The following LRP12 variants were observed in gnomAD, a reference collection of about 807,000 sequenced individuals.
The protein encoded by LRP12 is low-density lipoprotein receptor-related protein 12.
In LRP12, 14 loss-of-function variants were observed where a neutral mutation model predicts 66.0. That is an observed-to-expected ratio of 0.21 (90% CI 0.14 to 0.33). The LOEUF is 0.33. LRP12 is among the 10% of genes least tolerant of loss of function. The probability of loss-of-function intolerance (pLI) is 1.00; values close to 1 mark genes in which losing one functional copy is unlikely to be tolerated. For synonymous variants in LRP12, 357 were observed against 359.1 expected, an observed-to-expected ratio of 0.99 and a Z score of 0.07; for missense variants, 889 against 1,053.4, an observed-to-expected ratio of 0.84 and a Z score of 2.16.
chr8:104,560,806 CAA>C (rs1811895095), intron 1 of LRP12, among the ~76,000 whole-genome samples: 1 of 152,110 alleles, frequency 6.6e-6, no homozygotes, highest in African/African-American at 2.4e-5. Flanking sequence ...GAAGCAGGAT[CAA>C]AACAGTCTCG....
chr8:104,508,764 T>G, intron 3 of LRP12, 175 bp downstream of exon 3: 1 of 542,028 alleles, frequency 1.8e-6, no homozygotes. Context: ...TCAAAACACA[T>G]ACCAGATGGG....
At chr8:104,567,416 A>G (rs1467556269) in intron 1 of LRP12, among the ~76,000 whole-genome samples, 1 of 152,140 alleles carries the variant, frequency 6.6e-6, no homozygotes, top group Non-Finnish European at 1.5e-5. Flanking sequence ...CACGGGAAAG[A>G]CTGGCCCCCC....
chr8:104,518,669 A>G (rs1171933887), intron 2 of LRP12, among the ~76,000 whole-genome samples: 1 of 152,122 alleles, frequency 6.6e-6, no homozygotes, highest in African/African-American at 2.4e-5. Context: ...TTTGCTACAC[A>G]TTATCTAAGA....
intron 2 of LRP12, among the ~76,000 whole-genome samples, chr8:104,519,342 T>C (rs1811115572): frequency 1.3e-5 from 2 of 152,162 alleles, no homozygotes; most frequent in Non-Finnish European, 2.9e-5. Flanking sequence ...AATTTCATTC[T>C]TTTTAAAAAA....
intron 2 of LRP12, among the ~76,000 whole-genome samples, chr8:104,517,650 A>G (rs1346381994): frequency 6.6e-6 from 1 of 152,134 alleles, no homozygotes; most frequent in Non-Finnish European, 1.5e-5. Flanking sequence ...GCAAAGGATA[A>G]TAGCATATAT....
intron 3 of LRP12, chr8:104,504,289 TTCAGAAAG>T (rs1810872800): frequency 6.6e-6 from 1 of 152,082 alleles, no homozygotes; most frequent in Admixed American, 6.5e-5. Flanking sequence ...TCCTGAGTTT[TTCAGAAAG>T]TCAGCTTTTT....
At chr8:104,587,623 A>C (rs1310383443) in intron 1 of LRP12, among the ~76,000 whole-genome samples, 1 of 152,196 alleles carries the variant, frequency 6.6e-6, no homozygotes, top group African/African-American at 2.4e-5. Flanking sequence ...TTAATTCTTC[A>C]TTTAGCGTCA....
chr8:104,586,308 T>C (rs80248972), intron 1 of LRP12, among the ~76,000 whole-genome samples: 3,639 of 152,294 alleles, frequency 0.024, 107 homozygotes, highest in African/African-American at 0.065. Context: ...CAAAAAATTT[T>C]TTTATGTATG....
intron 1 of LRP12, among the ~76,000 whole-genome samples, chr8:104,568,293 A>G (rs917256251): frequency 6.6e-6 from 1 of 152,208 alleles, no homozygotes; most frequent in Non-Finnish European, 1.5e-5. Context: ...AAACCTATAT[A>G]TAACAGCAAA....
chr8:104,579,876 T>C (rs1812218788), intron 1 of LRP12, among the ~76,000 whole-genome samples: 1 of 151,050 alleles, frequency 6.6e-6, no homozygotes, highest in African/African-American at 2.5e-5. Flanking sequence ...CGGCTAGTCA[T>C]ATGCAGAGGA....
intron 2 of LRP12, among the ~76,000 whole-genome samples, chr8:104,511,266 T>A (rs1240095709): frequency 6.6e-6 from 1 of 151,734 alleles, no homozygotes; most frequent in African/African-American, 2.4e-5. Flanking sequence ...ATGGTCTCGA[T>A]CTCTTGACCT....
Position 104,580,365 on chromosome 8 carries a change from A to T in LRP12, c.79+8454T>A, listed in dbSNP as rs1052031869. Among the ~76,000 whole-genome samples the T allele has an allele frequency of 2.0e-3, 300 of 151,272 alleles. 3 individuals carry two copies. The South Asian group carries it at 0.048, about 24-fold the overall frequency. On this transcript the variant is annotated intron_variant, in intron 1 of 6. Coordinates refer to ENST00000276654, the MANE Select transcript of LRP12 (RefSeq NM_013437.5). ...CCCTGTCTCTACTAAAAATAAAAAAAAAAAAAAAAAAAAAATTAGCCGGGC... is the reference window on the plus strand; with the variant it reads ...CCCTGTCTCTACTAAAAATAAAAAATAAAAAAAAAAAAAAATTAGCCGGGC...
At chr8:104,538,207 G>A (rs1282885665) in intron 1 of LRP12, among the ~76,000 whole-genome samples, 3 of 152,124 alleles carry the variant, frequency 2.0e-5, no homozygotes, top group South Asian at 4.1e-4. Flanking sequence ...ATAACTGGAC[G>A]GTAGGCAATC....
chr8:104,490,945 C>G lies in LRP12; in HGVS notation c.2308G>C (p.Asp770His), dbSNP rs757307527. The G allele has an allele frequency of 6.2e-7, 1 of 1,614,028 alleles. No homozygotes were observed. The highest frequency in any genetic ancestry group is 1.1e-5 in the South Asian group (1 of 91,080). ...LDNGVSGRED[D>H]DDVEMLIPIS... Reference sequence around the variant, plus strand: ...GGAATTAGCATTTCAACATCATCATCATCTTCTCTTCCACTTACCCCATTA... The same window carrying G: ...GGAATTAGCATTTCAACATCATCATGATCTTCTCTTCCACTTACCCCATTA... Residue 770 changes from aspartate to histidine, a missense_variant, in exon 7 of 7, where the codon GAT becomes CAT. Asp to His is a moderately conservative substitution (Grantham distance 81). Transcript: ENST00000276654.
chr8:104,547,142 A>G (rs1250006877), intron 1 of LRP12, among the ~76,000 whole-genome samples: 4 of 144,930 alleles, frequency 2.8e-5, no homozygotes, highest in Non-Finnish European at 6.0e-5. Flanking sequence ...TATATAATAT[A>G]CAATTCTATG....
intron 2 of LRP12, among the ~76,000 whole-genome samples, chr8:104,527,158 C>A (rs1421387427): frequency 1.3e-5 from 2 of 149,178 alleles, no homozygotes; most frequent in African/African-American, 2.5e-5. Flanking sequence ...GTTAGAATGG[C>A]AATCATTAAA....
chr8:104,490,982 C>G lies in LRP12; in HGVS notation c.2271G>C (p.Leu757Phe). ...SSSLSQNQSPLRQLDNGVSGR... is the reference protein window; with the variant it reads ...SSSLSQNQSPFRQLDNGVSGR... ...CACTTACCCCATTATCAAGTTGTCT[C>G]AAAGGACTCTGGTTCTGACTTAGGG... The change falls in exon 7 of 7, where the codon TTG becomes TTC. Residue 757 changes from leucine (L) to phenylalanine (F), a missense_variant. Coordinates refer to ENST00000276654, the MANE Select transcript of LRP12 (RefSeq NM_013437.5). 1 of 1,613,980 alleles carries G rather than the reference C, an allele frequency of 6.2e-7. No homozygotes were observed.
chr8:104,548,199 T>C (rs1811639704), intron 1 of LRP12, among the ~76,000 whole-genome samples: 1 of 90,034 alleles, frequency 1.1e-5, no homozygotes. Context: ...TATATAAATA[T>C]ATGATATATT....
At chr8:104,531,490 T>C (rs1811324065) in intron 2 of LRP12, among the ~76,000 whole-genome samples, 1 of 152,090 alleles carries the variant, frequency 6.6e-6, no homozygotes, top group South Asian at 2.1e-4. Context: ...TGCGCTCAAA[T>C]ACAATAGTTA....
Sources: gnomAD v4.1 joint callset for allele counts (sites outside exome capture counted in the v4.1 genomes callset) on GRCh38, gnomAD v4.1.1 for gene constraint, MANE v1.5 for transcripts, NCBI Gene and HGNC (gene_info 2026-07-23, HGNC 2026-07-21) for gene names.